PLD5: variants seen among roughly 807,000 people sequenced by gnomAD.
PLD5 encodes inactive phospholipase D5.
PLD5 carries 36 observed loss-of-function variants against 61.1 expected under a neutral mutation model. That is an observed-to-expected ratio of 0.59 (90% confidence interval 0.45 to 0.78). The LOEUF is 0.78. PLD5 is among the 30% of genes least tolerant of loss of function. PLD5 has a pLI of 0.00. For synonymous variants in PLD5, 243 were observed against 242.8 expected, an observed-to-expected ratio of 1.00 and a Z score of -0.01; for missense variants, 515 against 644.4, an observed-to-expected ratio of 0.80 and a Z score of 2.17.
intron 3 of PLD5, 120 bp from the exon 4 acceptor site, chr1:242,265,568 T>C: frequency 2.4e-6 from 2 of 827,204 alleles, no homozygotes; most frequent in Non-Finnish European, 3.7e-6. Flanking sequence ...AGTCAAGCAT[T>C]TCAACAACTG....
At chr1:242,451,616 T>C (rs1047814013) in intron 1 of PLD5, among the ~76,000 whole-genome samples, 3 of 151,816 alleles carry the variant, frequency 2.0e-5, no homozygotes, top group Admixed American at 1.3e-4. Context: ...CACGCTGCCA[T>C]GCCTGGCTAA....
rs562881395 is a variant in PLD5 at position 242,107,294 on chromosome 1, G to C, written c.1239+377C>G. On this transcript the variant is annotated intron_variant, in intron 8 of 9. Transcript: ENST00000536534. Reference sequence around the variant, plus strand: ...AGCTCAGGACCAGCCTGGGCAACATGGTGAAGCCCCATCTCTACAAAAAAT... The same window carrying C: ...AGCTCAGGACCAGCCTGGGCAACATCGTGAAGCCCCATCTCTACAAAAAAT... Among the ~76,000 whole-genome samples the C allele has an allele frequency of 2.6e-5, 4 of 152,228 alleles. No individual in the cohort carries two copies. The South Asian group carries it at 8.3e-4, about 32-fold the overall frequency.
rs140622168 is a variant in PLD5, at chr1:242,370,714, T to A, written c.190-22472A>T. On this transcript the variant is annotated intron_variant, in intron 1 of 9. Coordinates refer to ENST00000536534, the MANE Select transcript of PLD5 (RefSeq NM_001372062.1). ...CACAAGAACACACTGTCAATGTCAATAGGAAGAGTCAATACTTAACAGCTA... is the reference window on the plus strand; with the variant it reads ...CACAAGAACACACTGTCAATGTCAAAAGGAAGAGTCAATACTTAACAGCTA... 1.9e-3 allele frequency among the ~76,000 whole-genome samples: 294 copies of A among 152,286 alleles called. 2 individuals are homozygous for A. The highest frequency in any genetic ancestry group is 6.7e-3 in the African/African-American group (278 of 41,574).
rs139759948 is a variant in PLD5, at chr1:242,268,808, C to G, written c.496-3360G>C. Among the ~76,000 whole-genome samples, 34 of 152,144 alleles carry G rather than the reference C, an allele frequency of 2.2e-4. 1 individual carries two copies. The highest frequency in any genetic ancestry group is 7.9e-4 in the African/African-American group (33 of 41,524). Reference sequence around the variant, plus strand: ...CTCTGTGCAGAGATCTGCAGTAAGGCCTCCTAATGCTTTCTGAGTTACATT... The same window carrying G: ...CTCTGTGCAGAGATCTGCAGTAAGGGCTCCTAATGCTTTCTGAGTTACATT... On this transcript the variant is annotated intron_variant, in intron 3 of 9. Transcript: ENST00000536534.
Position 242,516,192 on chromosome 1 carries a change from C to T in PLD5, c.189+7896G>A, listed in dbSNP as rs377251724. 1.8e-3 allele frequency among the ~76,000 whole-genome samples: 267 copies of T among 149,930 alleles called. 2 individuals are homozygous for T. Among genetic ancestry groups the T allele is most frequent in the African/African-American group, 6.4e-3 (262 of 40,756 alleles). The stretch of plus-strand genomic sequence containing the variant: ...TGATTTGTAGGTGCTCTTTACATAT[C>T]CTGGATTAAAACTCTTTGTCAGAGT... On this transcript the variant is annotated intron_variant, in intron 1 of 9. Coordinates refer to ENST00000536534, the MANE Select transcript of PLD5 (RefSeq NM_001372062.1).
chr1:242,313,227 C>T (rs1328925595), intron 2 of PLD5, among the ~76,000 whole-genome samples: 1 of 152,206 alleles, frequency 6.6e-6, no homozygotes, highest in Non-Finnish European at 1.5e-5. Flanking sequence ...ACAATGCTGC[C>T]TTAATTATGC....
At chr1:242,482,003 T>C (rs1667794693) in intron 1 of PLD5, among the ~76,000 whole-genome samples, 3 of 152,160 alleles carry the variant, frequency 2.0e-5, no homozygotes, top group Admixed American at 2.0e-4. Flanking sequence ...AGGGTCCTGA[T>C]TGTTAGAAGG....
At chr1:242,523,990 C>T (rs1669361224) in intron 1 of PLD5, 98 bp downstream of exon 1, 13 of 1,326,348 alleles carry the variant, frequency 9.8e-6, no homozygotes, top group Admixed American at 2.6e-5. Flanking sequence ...GATCCCCTCG[C>T]CTGCCCCCCG....
chr1:242,155,621 C>T (rs1369410113), intron 5 of PLD5, among the ~76,000 whole-genome samples: 1 of 152,110 alleles, frequency 6.6e-6, no homozygotes, highest in African/African-American at 2.4e-5. Context: ...AGTAGTCACT[C>T]AGGAGCAGGT....
chr1:242,408,179 T>C (rs774138021), intron 1 of PLD5, among the ~76,000 whole-genome samples: 2 of 152,182 alleles, frequency 1.3e-5, no homozygotes, highest in African/African-American at 2.4e-5. Flanking sequence ...GGAGGAATAA[T>C]GTGCCTTGAT....
rs556072626 is a variant in PLD5, at chr1:242,270,502, G to T, written c.496-5054C>A. On this transcript the variant is annotated intron_variant, in intron 3 of 9. Transcript: ENST00000536534. ...ACAGTTCTCCCTGAATGATCATTTT[G>T]TTATGTTAAAGTCGGAAAAGGAAGG... 9.9e-5 allele frequency among the ~76,000 whole-genome samples: 15 copies of T among 152,230 alleles called. No homozygotes were observed. The East Asian group carries it at 2.1e-3, about 22-fold the overall frequency.
At chr1:242,415,342 C>T (rs757689968) in intron 1 of PLD5, among the ~76,000 whole-genome samples, 4 of 152,060 alleles carry the variant, frequency 2.6e-5, no homozygotes, top group Non-Finnish European at 5.9e-5. Flanking sequence ...CTAGAAACAA[C>T]CCATCAGCAG....
chr1:242,266,334 T>A (rs1010302623), intron 3 of PLD5, among the ~76,000 whole-genome samples: 1 of 152,166 alleles, frequency 6.6e-6, no homozygotes, highest in African/African-American at 2.4e-5. Flanking sequence ...TGAACCAAGG[T>A]TGCACCAGAG....
In PLD5 at chr1:242,251,076, G is replaced by A. The variant is rs960992866; in HGVS notation, c.607+14261C>T. Among the ~76,000 whole-genome samples, 8 of 152,304 alleles carry A rather than the reference G, an allele frequency of 5.3e-5. No individual in the cohort carries two copies. The East Asian group carries it at 1.2e-3, about 22-fold the overall frequency. On this transcript the variant is annotated intron_variant, in intron 4 of 9. Coordinates refer to ENST00000536534, the MANE Select transcript of PLD5 (RefSeq NM_001372062.1). ...AAGAAGAACATGGAGGGCCAGGTGG[G>A]GGTGGTGCATCCATTTCATTTTGGA...
intron 9 of PLD5, among the ~76,000 whole-genome samples, chr1:242,094,123 CT>C (rs796279032): frequency 4.2e-4 from 61 of 146,252 alleles, no homozygotes; most frequent in East Asian, 5.9e-4. Flanking sequence ...TTTCATCCAG[CT>C]TTTTTTTTTT....
intron 1 of PLD5, among the ~76,000 whole-genome samples, chr1:242,454,929 G>A (rs746144551): frequency 2.0e-5 from 3 of 152,180 alleles, no homozygotes; most frequent in Non-Finnish European, 4.4e-5. Context: ...CAGGAATTAT[G>A]TATGTGCCTG....
intron 9 of PLD5, among the ~76,000 whole-genome samples, chr1:242,099,494 G>A (rs759734995): frequency 5.9e-5 from 9 of 152,120 alleles, no homozygotes; most frequent in Non-Finnish European, 1.0e-4. Context: ...AAAAGAATAC[G>A]TTTACACTGA....
chr1:242,477,388 G>T (rs1478343419), intron 1 of PLD5, among the ~76,000 whole-genome samples: 1 of 152,228 alleles, frequency 6.6e-6, no homozygotes, highest in Non-Finnish European at 1.5e-5. Flanking sequence ...CAGCAGGATA[G>T]GTGCAAGATC....
At chr1:242,252,023 A>T (rs945210873) in intron 4 of PLD5, among the ~76,000 whole-genome samples, 1 of 152,192 alleles carries the variant, frequency 6.6e-6, no homozygotes, top group African/African-American at 2.4e-5. Flanking sequence ...GAGAGGAAAG[A>T]TGTTGGTTAG....
Sources: allele counts gnomAD v4.1 joint callset (sites outside exome capture counted in the v4.1 genomes callset), GRCh38; gene constraint gnomAD v4.1.1; transcripts MANE v1.5; gene names NCBI Gene and HGNC (gene_info 2026-07-23, HGNC 2026-07-21).